RALYL: variants seen among roughly 807,000 people sequenced by gnomAD.
The protein encoded by RALYL is RNA-binding Raly-like protein.
In RALYL, 29 loss-of-function variants were observed where a neutral mutation model predicts 35.1. The ratio of observed to expected loss-of-function variants is 0.83; its 90% CI spans 0.61 to 1.13. The LOEUF is 1.13. Ranked by LOEUF, RALYL falls within the 50% of genes most tolerant of loss-of-function variation. The pLI, the probability that RALYL is intolerant of heterozygous loss-of-function variation, is 0.00. For missense variants in RALYL, 359 were observed against 360.4 expected (o/e 1.00, Z 0.03); for synonymous variants, 120 against 127.6 (o/e 0.94, Z 0.40).
chr8:84,316,321 CT>C (rs1843742974), intron 1 of RALYL, among the ~76,000 whole-genome samples: 1 of 152,074 alleles, frequency 6.6e-6, no homozygotes, highest in Admixed American at 6.6e-5. Context: ...CTATAACAAC[CT>C]TTCATATATT....
chr8:84,819,950 T>C (rs1223277463), intron 4 of RALYL, among the ~76,000 whole-genome samples: 4 of 152,140 alleles, frequency 2.6e-5, no homozygotes, highest in African/African-American at 9.7e-5. Flanking sequence ...CTTCAAAAAT[T>C]GGTATCATCA....
intron 2 of RALYL, among the ~76,000 whole-genome samples, chr8:84,757,918 G>A (rs1232042421): frequency 6.6e-6 from 1 of 152,066 alleles, no homozygotes; most frequent in Non-Finnish European, 1.5e-5. Flanking sequence ...GGCATGCTTT[G>A]TTCCATTAAG....
intron 1 of RALYL, among the ~76,000 whole-genome samples, chr8:84,240,172 T>C (rs1353524256): frequency 6.6e-6 from 1 of 152,172 alleles, no homozygotes; most frequent in Non-Finnish European, 1.5e-5. Context: ...AAATGAGTAA[T>C]AAAAACTTCC....
chr8:84,392,819 TA>T (rs1861005140), intron 1 of RALYL, among the ~76,000 whole-genome samples: 1 of 152,092 alleles, frequency 6.6e-6, no homozygotes, highest in Non-Finnish European at 1.5e-5. Context: ...TGGGCTATTT[TA>T]CTTGTAATAT....
At chr8:84,622,707 A>G (rs1203119851) in intron 2 of RALYL, among the ~76,000 whole-genome samples, 12 of 152,218 alleles carry the variant, frequency 7.9e-5, no homozygotes, top group African/African-American at 2.2e-4. Flanking sequence ...GCTGGCATCA[A>G]TGAGGTAAGG....
At chr8:84,297,760 T>C (rs1347717649) in intron 1 of RALYL, among the ~76,000 whole-genome samples, 1 of 152,142 alleles carries the variant, frequency 6.6e-6, no homozygotes, top group African/African-American at 2.4e-5. Context: ...GTGTGAAATA[T>C]CTCATTGTGG....
intron 1 of RALYL, among the ~76,000 whole-genome samples, chr8:84,509,034 T>TA (rs557438137): frequency 3.8e-4 from 58 of 152,224 alleles, no homozygotes; most frequent in African/African-American, 1.3e-3. Flanking sequence ...TTGTATACTT[T>TA]AAAAAAATGT....
chr8:84,771,417 G>A (rs1344062308), intron 2 of RALYL, among the ~76,000 whole-genome samples: 1 of 152,026 alleles, frequency 6.6e-6, no homozygotes, highest in East Asian at 1.9e-4. Context: ...TTTTAAGTGT[G>A]TACTTCCTGG....
At chr8:84,357,391 A>G (rs1435963191) in intron 1 of RALYL, among the ~76,000 whole-genome samples, 1 of 152,024 alleles carries the variant, frequency 6.6e-6, no homozygotes, top group Non-Finnish European at 1.5e-5. Flanking sequence ...GACATTCATT[A>G]CAAAGTTAAA....
intron 4 of RALYL, among the ~76,000 whole-genome samples, chr8:84,807,790 G>A (rs1825003773): frequency 6.6e-6 from 1 of 152,052 alleles, no homozygotes; most frequent in Non-Finnish European, 1.5e-5. Context: ...TTTTTCATAT[G>A]TTTCTTGGCC....
intron 1 of RALYL, among the ~76,000 whole-genome samples, chr8:84,205,979 A>G (rs888720314): frequency 9.2e-5 from 14 of 152,080 alleles, no homozygotes; most frequent in African/African-American, 2.7e-4. Flanking sequence ...CTGTGGGTGC[A>G]TGCCTCCCTG....
intron 2 of RALYL, among the ~76,000 whole-genome samples, chr8:84,617,298 G>T (rs1433965827): frequency 1.3e-5 from 2 of 151,612 alleles, no homozygotes; most frequent in African/African-American, 2.4e-5. Context: ...TCCTGCAAGA[G>T]GTCCTTCACA....
chr8:84,782,081 C>T (rs1289391746), intron 3 of RALYL, among the ~76,000 whole-genome samples: 1 of 151,670 alleles, frequency 6.6e-6, no homozygotes, highest in Non-Finnish European at 1.5e-5. Flanking sequence ...AAGCTGATGC[C>T]ATTTTTCTTA....
intron 1 of RALYL, among the ~76,000 whole-genome samples, chr8:84,279,471 A>C (rs1052737904): frequency 3.3e-5 from 5 of 152,240 alleles, no homozygotes; most frequent in African/African-American, 1.2e-4. Context: ...AAGTGTTATG[A>C]AAGAAAATAA....
chr8:84,759,623 T>C (rs1037974249), intron 2 of RALYL, among the ~76,000 whole-genome samples: 2 of 152,212 alleles, frequency 1.3e-5, no homozygotes, highest in African/African-American at 4.8e-5. Context: ...TTTGTTATAA[T>C]CTGAGTTTTG....
intron 2 of RALYL, among the ~76,000 whole-genome samples, chr8:84,752,963 G>A (rs1810436464): frequency 6.6e-6 from 1 of 152,120 alleles, no homozygotes; most frequent in African/African-American, 2.4e-5. Context: ...GTGAGATGAA[G>A]GCCACTGCCC....
chr8:84,291,367 G>T (rs139055674), intron 1 of RALYL, among the ~76,000 whole-genome samples: 12 of 152,244 alleles, frequency 7.9e-5, no homozygotes, highest in African/African-American at 2.6e-4. Flanking sequence ...TACAGAAGTT[G>T]GGAAAGCTAG....
intron 4 of RALYL, among the ~76,000 whole-genome samples, chr8:84,821,011 A>G (rs1407506452): frequency 6.6e-6 from 1 of 152,114 alleles, no homozygotes; most frequent in East Asian, 1.9e-4. Context: ...AATAATGCAA[A>G]ATAAGTGCTT....
intron 1 of RALYL, among the ~76,000 whole-genome samples, chr8:84,344,404 G>A (rs2130944551): frequency 6.6e-6 from 1 of 152,116 alleles, no homozygotes; most frequent in South Asian, 2.1e-4. Context: ...TTCAGGAGCT[G>A]GGCAGCGACA....
Sources: allele counts gnomAD v4.1 joint callset (sites outside exome capture counted in the v4.1 genomes callset), GRCh38; gene constraint gnomAD v4.1.1; transcripts MANE v1.5; gene names NCBI Gene and HGNC (gene_info 2026-07-23, HGNC 2026-07-21).